The following DPYD variants were observed in gnomAD, a reference collection of about 807,000 sequenced individuals.
The protein encoded by DPYD is dihydropyrimidine dehydrogenase [NADP(+)].
Under a neutral mutation model 116.2 loss-of-function variants are expected in DPYD, and 109 were observed. The ratio of observed to expected loss-of-function variants is 0.94; its 90% CI spans 0.80 to 1.10. The LOEUF (loss-of-function observed/expected upper bound fraction) is 1.10. DPYD is among the 50% of genes least tolerant of loss of function. The pLI, the probability that DPYD is intolerant of heterozygous loss-of-function variation, is 0.00. For synonymous variants in DPYD, 440 were observed against 432.0 expected, an observed-to-expected ratio of 1.02 and a Z score of -0.23; for missense variants, 1,302 against 1,254.5, an observed-to-expected ratio of 1.04 and a Z score of -0.57.
rs542992081 is a variant in DPYD at position 97,448,080 on chromosome 1, C to T, written c.1905+1979G>A. ...CTCTACAAAAAATTAAACAATTAGC[C>T]GGGCATGGTGGCATGCACCTGTAGG... On this transcript the variant is annotated intron_variant, in intron 14 of 22. Transcript: ENST00000370192. Among the ~76,000 whole-genome samples, 8 of 151,980 alleles carry T rather than the reference C, an allele frequency of 5.3e-5. No individual in the cohort carries two copies. The South Asian group carries it at 1.0e-3, about 20-fold the overall frequency.
At chr1:97,433,083 C>T (rs891241687) in intron 14 of DPYD, among the ~76,000 whole-genome samples, 2 of 152,134 alleles carry the variant, frequency 1.3e-5, no homozygotes, top group African/African-American at 4.8e-5. Flanking sequence ...CTGATCTTCC[C>T]TTCCTCTAGT....
At chr1:97,106,429 G>C (rs914771214) in intron 20 of DPYD, among the ~76,000 whole-genome samples, 1 of 152,090 alleles carries the variant, frequency 6.6e-6, no homozygotes, top group East Asian at 1.9e-4. Context: ...GAATGTGGGC[G>C]GGCATCCCCC....
chr1:97,328,883 C>T (rs1668841037), intron 16 of DPYD, among the ~76,000 whole-genome samples: 1 of 152,102 alleles, frequency 6.6e-6, no homozygotes, highest in South Asian at 2.1e-4. Context: ...TCAATTATTA[C>T]AGAAAAGTTG....
chr1:97,814,167 G>A (rs1406180634), intron 3 of DPYD, among the ~76,000 whole-genome samples: 1 of 152,196 alleles, frequency 6.6e-6, no homozygotes, highest in Non-Finnish European at 1.5e-5. Context: ...AAGAGCCCAT[G>A]TAAGAAGGAG....
intron 14 of DPYD, among the ~76,000 whole-genome samples, chr1:97,414,406 C>A (rs566110373): frequency 6.6e-6 from 1 of 152,280 alleles, no homozygotes; most frequent in South Asian, 2.1e-4. Context: ...ATCTTATGGT[C>A]TTGAAGAAAT....
intron 21 of DPYD, among the ~76,000 whole-genome samples, chr1:97,084,888 T>C (rs1398210405): frequency 1.3e-5 from 2 of 152,186 alleles, no homozygotes; most frequent in Non-Finnish European, 2.9e-5. Flanking sequence ...TGGAGATCAT[T>C]GAAACACAAT....
At chr1:97,856,256 G>T (rs1670838523) in intron 2 of DPYD, 1 of 152,114 alleles carries the variant, frequency 6.6e-6, no homozygotes, top group Non-Finnish European at 1.5e-5. Flanking sequence ...TTCTTGAACT[G>T]AATCAAAGAA....
intron 18 of DPYD, among the ~76,000 whole-genome samples, chr1:97,282,408 T>C (rs1477737706): frequency 1.3e-5 from 2 of 152,136 alleles, no homozygotes; most frequent in African/African-American, 4.8e-5. Flanking sequence ...ATTTTCTCTT[T>C]TTTTCAGAGA....
intron 13 of DPYD, 74 bp from the exon 14 acceptor site, chr1:97,450,297 CA>C: frequency 6.6e-7 from 1 of 1,521,346 alleles, no homozygotes; most frequent in South Asian, 1.2e-5. Flanking sequence ...TGCTCATTTC[CA>C]TATGACAATA....
chr1:97,902,217 A>T (rs530766819), intron 1 of DPYD, among the ~76,000 whole-genome samples: 2 of 151,882 alleles, frequency 1.3e-5, no homozygotes, highest in East Asian at 3.9e-4. Context: ...TAAAAGAACA[A>T]TCCATATTAA....
chr1:97,211,712 C>T (rs1557941932), intron 19 of DPYD, among the ~76,000 whole-genome samples: 3 of 152,086 alleles, frequency 2.0e-5, no homozygotes, highest in Admixed American at 6.6e-5. Context: ...TACTTTAATA[C>T]ATGGAACACA....
chr1:97,604,277 C>A (rs1163771682), intron 8 of DPYD, among the ~76,000 whole-genome samples: 1 of 152,072 alleles, frequency 6.6e-6, no homozygotes, highest in African/African-American at 2.4e-5. Context: ...TCAGTTTCCT[C>A]ATCTTTAAAA....
intron 14 of DPYD, among the ~76,000 whole-genome samples, chr1:97,401,783 T>A (rs1050261501): frequency 6.6e-6 from 1 of 152,178 alleles, no homozygotes; most frequent in Non-Finnish European, 1.5e-5. Flanking sequence ...CATTTAGATG[T>A]ATGATCCATT....
At chr1:97,417,793 G>T (rs1294756581) in intron 14 of DPYD, among the ~76,000 whole-genome samples, 2 of 152,064 alleles carry the variant, frequency 1.3e-5, no homozygotes, top group African/African-American at 4.8e-5. Flanking sequence ...GAATTATCTT[G>T]TTATCAGTTT....
At chr1:97,841,986 G>T (rs1670062450) in intron 2 of DPYD, among the ~76,000 whole-genome samples, 1 of 151,678 alleles carries the variant, frequency 6.6e-6, no homozygotes, top group African/African-American at 2.4e-5. Context: ...ATAAAAATTT[G>T]CATTATTATT....
rs372098461 is a variant in DPYD, at chr1:97,811,015, T to C, written c.233+17099A>G. On this transcript the variant is annotated intron_variant, in intron 3 of 22. Coordinates refer to ENST00000370192, the MANE Select transcript of DPYD (RefSeq NM_000110.4). ...TCATCTACCCCATGCCCACAAATAC[T>C]TTACATCAGAAAACTCTCATTTATA... 3.3e-5 allele frequency among the ~76,000 whole-genome samples: 5 copies of C among 152,118 alleles called. No individual in the cohort carries two copies. The East Asian group carries it at 9.7e-4, about 29-fold the overall frequency.
chr1:97,599,507 T>C (rs1655114251), intron 8 of DPYD, among the ~76,000 whole-genome samples: 1 of 152,154 alleles, frequency 6.6e-6, no homozygotes, highest in South Asian at 2.1e-4. Context: ...TAATGTTTGC[T>C]TGTGTTACTT....
At chr1:97,502,407 AT>A (rs547042597) in intron 13 of DPYD, among the ~76,000 whole-genome samples, 11 of 152,080 alleles carry the variant, frequency 7.2e-5, no homozygotes, top group Non-Finnish European at 1.2e-4. Context: ...AGAGAAGTCC[AT>A]TGTGGCCTTA....
chr1:97,477,527 A>T (rs1235012587), intron 13 of DPYD, among the ~76,000 whole-genome samples: 6 of 151,916 alleles, frequency 3.9e-5, no homozygotes, highest in Non-Finnish European at 8.8e-5. Flanking sequence ...TTTCAAAGTC[A>T]TCAATGATTA....
Sources: gnomAD v4.1 joint callset for allele counts (sites outside exome capture counted in the v4.1 genomes callset) on GRCh38, gnomAD v4.1.1 for gene constraint, MANE v1.5 for transcripts, NCBI Gene and HGNC (gene_info 2026-07-23, HGNC 2026-07-21) for gene names.